KIF21A: variants seen among roughly 807,000 people sequenced by gnomAD.
The protein encoded by KIF21A is kinesin-like protein KIF21A.
In KIF21A, 114 loss-of-function variants were observed where a neutral mutation model predicts 202.9. That is an observed-to-expected ratio of 0.56 (90% CI 0.48 to 0.66). KIF21A has a LOEUF of 0.66. Among genes scored for constraint, KIF21A ranks in the 30% least tolerant of loss-of-function variants. KIF21A has a pLI of 0.00. For missense variants in KIF21A, 1,677 were observed against 1,994.9 expected (o/e 0.84, Z 3.04); for synonymous variants, 667 against 670.8 (o/e 0.99, Z 0.09).
intron 29 of KIF21A, 128 bp from the exon 30 acceptor site, chr12:39,316,098 T>C (rs1391414572): frequency 6.7e-6 from 5 of 746,366 alleles, no homozygotes; most frequent in African/African-American, 1.7e-5. Flanking sequence ...CATAGTGCCC[T>C]GCTTTTCTAC....
chr12:39,307,521 G>T, intron 34 of KIF21A, 44 bp downstream of exon 34: 1 of 1,571,878 alleles, frequency 6.4e-7, no homozygotes, highest in Non-Finnish European at 8.8e-7. Flanking sequence ...GTCTGAAGTT[G>T]TATTTGCCAT....
chr12:39,404,994 A>T (rs1952470137), intron 1 of KIF21A, among the ~76,000 whole-genome samples: 1 of 152,186 alleles, frequency 6.6e-6, no homozygotes, highest in Non-Finnish European at 1.5e-5. Flanking sequence ...TTCAAACTAA[A>T]AAAATATATA....
intron 1 of KIF21A, among the ~76,000 whole-genome samples, chr12:39,372,194 GA>G (rs1284156966): frequency 6.6e-6 from 1 of 152,154 alleles, no homozygotes; most frequent in Admixed American, 6.5e-5. Flanking sequence ...TGACAATAGA[GA>G]AAGGATTGAG....
At chr12:39,366,582 C>CCTTG (rs1949619458) in intron 5 of KIF21A, 65 bp from the exon 6 acceptor site, 1 of 1,234,144 alleles carries the variant, frequency 8.1e-7, no homozygotes, top group Admixed American at 2.0e-5. Context: ...TCCTAACCTA[C>CCTTG]CTTGCGCTTA....
In KIF21A at chr12:39,351,791, CTT is replaced by C. The variant is rs1948404603; in HGVS notation, c.1657_1658del (p.Lys553GlufsTer10). ...TATAATCCCACCTTTTTTTCTTCCT[CTT>C]TTCTTTTCTTTTCAACTTCTCTAAA... ...KDLEKLKRKE[K>X]RKKKRLQKLE... On this transcript the variant is annotated frameshift_variant, in exon 11 of 38. Transcript: ENST00000361418. LOFTEE classifies it high-confidence loss of function. The C allele has an allele frequency of 6.4e-7, 1 of 1,556,020 alleles. No homozygotes were observed. The highest frequency in any genetic ancestry group is 8.8e-7 in the Non-Finnish European group (1 of 1,130,436).
At chr12:39,357,202 G>T in intron 9 of KIF21A, 46 bp downstream of exon 9, 1 of 1,504,680 alleles carries the variant, frequency 6.6e-7, no homozygotes, top group Non-Finnish European at 9.3e-7. Flanking sequence ...AATGTTCCCT[G>T]CCCTCCAGAA....
chr12:39,389,847 C>A (rs1022973218), intron 1 of KIF21A, among the ~76,000 whole-genome samples: 7 of 152,116 alleles, frequency 4.6e-5, no homozygotes, highest in Non-Finnish European at 8.8e-5. Flanking sequence ...CCATTAATGA[C>A]TACATATTTT....
chr12:39,333,146 A>G (rs931877489), intron 18 of KIF21A, 39 bp from the exon 19 acceptor site: 15 of 1,605,116 alleles, frequency 9.3e-6, no homozygotes, highest in Non-Finnish European at 1.3e-5. Flanking sequence ...CTCTTAGTCT[A>G]TAGAAATACA....
chr12:39,334,200 C>CAAAAAAAAAAAAA (rs576176350), intron 17 of KIF21A, among the ~76,000 whole-genome samples: 5 of 63,682 alleles, frequency 7.9e-5, no homozygotes, highest in African/African-American at 1.5e-4. Flanking sequence ...GACTCCATCT[C>CAAAAAAAAAAAAA]AAAAAAAAAA....
At position 39,442,401 on chromosome 12, in the gene KIF21A, A is replaced by G. The variant is rs375295038; in HGVS notation, c.44+526T>C. Among the ~76,000 whole-genome samples the G allele has an allele frequency of 4.5e-4, 69 of 152,324 alleles. No homozygotes were observed. The highest frequency in any genetic ancestry group is 1.6e-3 in the African/African-American group (67 of 41,574). On this transcript the variant is annotated intron_variant, in intron 1 of 37. Coordinates refer to ENST00000361418, the MANE Select transcript of KIF21A (RefSeq NM_001173464.2). This position sits in a 1 kb window ranked among gnomAD's most constrained non-coding sequence, Gnocchi z 5.0. ...AAAAAGATGTCTCATTTGCACAGAC[A>G]TCAGAACCCGAGTGGGCGCGCGGCG...
intron 1 of KIF21A, among the ~76,000 whole-genome samples, chr12:39,387,449 C>T (rs1951024026): frequency 6.6e-6 from 1 of 152,098 alleles, no homozygotes; most frequent in African/African-American, 2.4e-5. Flanking sequence ...GCAAGCTTGC[C>T]AGGAGGCTAA....
At chr12:39,401,015 ATATT>A (rs1408910015) in intron 1 of KIF21A, among the ~76,000 whole-genome samples, 1 of 152,184 alleles carries the variant, frequency 6.6e-6, no homozygotes, top group Non-Finnish European at 1.5e-5. Context: ...AAGAGAATAA[ATATT>A]GATTGAGCAT....
intron 1 of KIF21A, among the ~76,000 whole-genome samples, chr12:39,425,408 G>A (rs1273305557): frequency 6.6e-6 from 1 of 152,114 alleles, no homozygotes; most frequent in Admixed American, 6.5e-5. Context: ...AGAATAATCC[G>A]AAGTAAATTA....
intron 1 of KIF21A, among the ~76,000 whole-genome samples, chr12:39,431,369 A>C (rs1002375301): frequency 6.6e-6 from 1 of 152,210 alleles, no homozygotes; most frequent in Non-Finnish European, 1.5e-5. Flanking sequence ...GATTCAAGAC[A>C]CGGGGAAAGA....
At chr12:39,313,062 A>T (rs1248056305) in intron 31 of KIF21A, among the ~76,000 whole-genome samples, 1 of 151,974 alleles carries the variant, frequency 6.6e-6, no homozygotes. Flanking sequence ...ATGATTAAGA[A>T]ACGTGAGCCC....
At chr12:39,308,187 G>C (rs1223105938) in intron 33 of KIF21A, among the ~76,000 whole-genome samples, 1 of 151,926 alleles carries the variant, frequency 6.6e-6, no homozygotes, top group East Asian at 1.9e-4. Flanking sequence ...GGCCAACATG[G>C]TGAAGTCCCA....
intron 12 of KIF21A, 46 bp from the exon 13 acceptor site, chr12:39,342,170 A>G (rs778742816): frequency 6.7e-6 from 9 of 1,337,370 alleles, no homozygotes; most frequent in African/African-American, 1.4e-5. Context: ...AGAAAGGAAA[A>G]TTATTCACTT....
chr12:39,346,411 T>A, intron 12 of KIF21A, 55 bp downstream of exon 12: 1 of 1,284,492 alleles, frequency 7.8e-7, no homozygotes. Context: ...TCCTTGTGAA[T>A]GGCAACTAAG....
chr12:39,343,990 T>A (rs761599657), intron 12 of KIF21A, among the ~76,000 whole-genome samples: 5 of 152,106 alleles, frequency 3.3e-5, no homozygotes, highest in Non-Finnish European at 7.4e-5. Context: ...ACAGCATATA[T>A]ACGGAGAGAG....
Sources: allele counts gnomAD v4.1 joint callset (sites outside exome capture counted in the v4.1 genomes callset), GRCh38; gene constraint gnomAD v4.1.1; non-coding constraint Gnocchi (gnomAD v3.1); transcripts MANE v1.5; gene names NCBI Gene and HGNC (gene_info 2026-07-23, HGNC 2026-07-21).